The following TRIO variants were observed in gnomAD, a reference collection of about 807,000 sequenced individuals.
TRIO encodes the protein triple functional domain protein.
Under a neutral mutation model 351.9 loss-of-function variants are expected in TRIO, and 58 were observed. That is an observed-to-expected ratio of 0.16 (90% confidence interval 0.13 to 0.21). The LOEUF is 0.21. TRIO is among the 10% of genes least tolerant of loss of function. The pLI, the probability that TRIO is intolerant of heterozygous loss-of-function variation, is 1.00. For synonymous variants in TRIO, 1,758 were observed against 1,595.7 expected, an observed-to-expected ratio of 1.10 and a Z score of -2.42; for missense variants, 3,201 against 4,027.8, an observed-to-expected ratio of 0.79 and a Z score of 5.56.
chr5:14,500,457 C>T (rs1282618208), intron 53 of TRIO, among the ~76,000 whole-genome samples: 1 of 152,170 alleles, frequency 6.6e-6, no homozygotes, highest in Non-Finnish European at 1.5e-5. Flanking sequence ...TGGTCAGAGT[C>T]TGGGCTATGA....
chr5:14,492,338 T>A (rs1029752357), intron 48 of TRIO: 4 of 584,426 alleles, frequency 6.8e-6, no homozygotes, highest in African/African-American at 5.6e-5. Flanking sequence ...GTGAATTTTT[T>A]AAGAGCGTCC....
chr5:14,403,336 GGTGAGGGTGCAGCTT>G (rs1405253835), intron 31 of TRIO, among the ~76,000 whole-genome samples: 2 of 111,464 alleles, frequency 1.8e-5, no homozygotes, highest in Admixed American at 8.2e-5. Context: ...TGTAGGTTGT[GGTGAGGGTGCAGCTT>G]GTGAGGGTGC....
intron 1 of TRIO, among the ~76,000 whole-genome samples, chr5:14,268,734 A>G (rs546636160): frequency 3.9e-5 from 6 of 152,286 alleles, no homozygotes; most frequent in South Asian, 2.1e-4. Context: ...CGTGCTGCCT[A>G]TGAACATTTC....
intron 3 of TRIO, among the ~76,000 whole-genome samples, chr5:14,282,866 C>T (rs1736123838): frequency 6.6e-6 from 1 of 152,160 alleles, no homozygotes; most frequent in Non-Finnish European, 1.5e-5. Context: ...TGCCATTTTG[C>T]TTGTCCTCGA....
At chr5:14,488,851 CTCTGGGCACCTGG>C in intron 48 of TRIO, 2 of 706,980 alleles carry the variant, frequency 2.8e-6, no homozygotes, top group Non-Finnish European at 5.2e-6. Context: ...ACAGAGACTG[CTCTGGGCACCTGG>C]CGAGGCGGCT....
chr5:14,442,361 G>C (rs1035018175), intron 34 of TRIO, among the ~76,000 whole-genome samples: 1 of 152,150 alleles, frequency 6.6e-6, no homozygotes, highest in Non-Finnish European at 1.5e-5. Context: ...CTTTCGGGGT[G>C]CAGGGATCCC....
At position 14,369,429 on chromosome 5, in the gene TRIO, G is replaced by T. The variant is rs1197074430; in HGVS notation, c.3122G>T (p.Cys1041Phe). The change falls in exon 18 of 57, where the codon TGT becomes TTT. Residue 1041 changes from cysteine (C) to phenylalanine (F), a missense_variant. By Grantham distance (205) the Cys-to-Phe change is radical (BLOSUM62 -2). Transcript: ENST00000344204. ...GAGTACAAGAGAGAAGAAGACTGGT[G>T]TGGCGGGGCGGATAAGCTGGGCCCA... ...EQEYKREEDW[C>F]GGADKLGPNS... The T allele has an allele frequency of 6.2e-7, 1 of 1,614,028 alleles. No homozygotes were observed. Among genetic ancestry groups the T allele is most frequent in the Non-Finnish European group, 8.5e-7 (1 of 1,179,994 alleles).
intron 4 of TRIO, among the ~76,000 whole-genome samples, chr5:14,288,797 G>A (rs1168413378): frequency 1.3e-5 from 2 of 152,210 alleles, no homozygotes; most frequent in Admixed American, 6.5e-5. Flanking sequence ...CAACCAGCAC[G>A]CCGGACCAGC....
At chr5:14,240,337 G>A (rs928939742) in intron 1 of TRIO, among the ~76,000 whole-genome samples, 23 of 151,998 alleles carry the variant, frequency 1.5e-4, no homozygotes, top group African/African-American at 5.3e-4. Flanking sequence ...GAGCTTCTCA[G>A]TGGGGATAAA....
At chr5:14,484,952 G>A (rs1419807127) in intron 46 of TRIO, 117 bp from the exon 47 acceptor site, 3 of 1,087,284 alleles carry the variant, frequency 2.8e-6, no homozygotes, top group Non-Finnish European at 3.8e-6. Context: ...CCTCATTAAG[G>A]CTGAAAAACT....
intron 1 of TRIO, among the ~76,000 whole-genome samples, chr5:14,211,210 A>G (rs563020022): frequency 6.6e-6 from 1 of 152,260 alleles, no homozygotes; most frequent in Non-Finnish European, 1.5e-5. Context: ...TTCCTCAAAA[A>G]GAGGAGAATC....
intron 1 of TRIO, among the ~76,000 whole-genome samples, chr5:14,204,269 A>G (rs979247193): frequency 1.9e-4 from 29 of 152,136 alleles, no homozygotes; most frequent in Admixed American, 8.5e-4. Flanking sequence ...CCGCAGAGGT[A>G]ATTTGAGAGA....
chr5:14,330,706 AT>A, intron 9 of TRIO, 71 bp from the exon 10 acceptor site: 1 of 1,504,004 alleles, frequency 6.6e-7, no homozygotes, highest in Non-Finnish European at 8.9e-7. Context: ...AGGGGTCTTC[AT>A]TGGATAACCT....
chr5:14,291,398 T>A (rs912656673), intron 5 of TRIO, among the ~76,000 whole-genome samples, 170 bp downstream of exon 5: 2 of 152,040 alleles, frequency 1.3e-5, no homozygotes, highest in Non-Finnish European at 2.9e-5. Context: ...TTTTCCGGTT[T>A]TACTCGTTGT....
intron 33 of TRIO, among the ~76,000 whole-genome samples, chr5:14,415,399 C>T (rs961387240): frequency 1.3e-5 from 2 of 152,070 alleles, no homozygotes; most frequent in African/African-American, 4.8e-5. Context: ...GTATTGCCGC[C>T]GTCTATCGAG....
intron 34 of TRIO, among the ~76,000 whole-genome samples, chr5:14,442,046 C>A (rs1033102911): frequency 3.1e-4 from 47 of 152,134 alleles, no homozygotes; most frequent in Admixed American, 1.2e-3. Flanking sequence ...TCTGCAGATG[C>A]CCATGGAATG....
intron 48 of TRIO, among the ~76,000 whole-genome samples, chr5:14,491,511 G>T (rs1253643260): frequency 6.6e-6 from 1 of 152,158 alleles, no homozygotes; most frequent in Admixed American, 6.5e-5. Flanking sequence ...GCAGCTTCAG[G>T]CGTTGGCAGG....
chr5:14,224,097 T>C (rs1231621896), intron 1 of TRIO, among the ~76,000 whole-genome samples: 4 of 152,196 alleles, frequency 2.6e-5, no homozygotes, highest in Non-Finnish European at 5.9e-5. Context: ...GAGAATTTTA[T>C]GTTTAATTTT....
intron 9 of TRIO, among the ~76,000 whole-genome samples, chr5:14,317,876 C>A (rs1739506463): frequency 6.6e-6 from 1 of 152,178 alleles, no homozygotes; most frequent in African/African-American, 2.4e-5. Flanking sequence ...CCTGTAATCC[C>A]AGCACTTTAG....
Sources: gnomAD v4.1 joint callset for allele counts (sites outside exome capture counted in the v4.1 genomes callset) on GRCh38, gnomAD v4.1.1 for gene constraint, MANE v1.5 for transcripts, NCBI Gene and HGNC (gene_info 2026-07-23, HGNC 2026-07-21) for gene names.